WSB1: variants seen among roughly 807,000 people sequenced by gnomAD.
WSB1 encodes WD repeat and SOCS box containing 1, also known as WD repeat and SOCS box-containing protein 1.
WSB1 carries 23 observed loss-of-function variants against 50.2 expected under a neutral mutation model. The ratio of observed to expected loss-of-function variants is 0.46; its 90% CI spans 0.33 to 0.65. WSB1 has a LOEUF of 0.65. WSB1 is among the 30% of genes least tolerant of loss of function. The pLI is 0.02. For missense variants in WSB1, 492 were observed against 522.3 expected, an observed-to-expected ratio of 0.94 and a Z score of 0.56; for synonymous variants, 179 against 172.0, an observed-to-expected ratio of 1.04 and a Z score of -0.32.
rs199630765 is a variant in WSB1 at position 27,312,253 on chromosome 17, G to A, written c.1150G>A (p.Val384Ile). ...SVYFWATPRQ[V>I]PSLQHLCRMS... ...GTATTTTTGGGCCACTCCACGGCAG[G>A]TCCCTAGCCTGCAACATTTATGTCG... The change falls in exon 9 of 9, where the codon GTC (valine) becomes ATC (isoleucine). Residue 384 changes from valine to isoleucine, a missense_variant. Coordinates refer to ENST00000262394, the MANE Select transcript of WSB1 (RefSeq NM_015626.10). 1.2e-6 allele frequency: 2 copies of A among 1,613,958 alleles called. No individual in the cohort carries two copies. Among genetic ancestry groups the A allele is most frequent in the Non-Finnish European group, 1.7e-6 (2 of 1,180,028 alleles).
intron 1 of WSB1, among the ~76,000 whole-genome samples, chr17:27,296,036 G>A (rs1389498512): frequency 2.0e-5 from 3 of 152,032 alleles, no homozygotes; most frequent in Non-Finnish European, 4.4e-5. Flanking sequence ...GTTTCTCCAT[G>A]TTGGTCAGGC....
chr17:27,308,734 A>C, intron 5 of WSB1: 1 of 987,220 alleles, frequency 1.0e-6, no homozygotes, highest in Non-Finnish European at 1.2e-6. Flanking sequence ...GTTTCTGGAA[A>C]AAAAAGAGAA....
intron 7 of WSB1, 135 bp downstream of exon 7, chr17:27,310,309 A>AG: frequency 1.4e-6 from 1 of 711,322 alleles, no homozygotes; most frequent in Non-Finnish European, 2.3e-6. Flanking sequence ...TGTGTCTTAA[A>AG]GAATATCGGC....
chr17:27,307,415 A>T (rs536660215), intron 5 of WSB1: 37 of 374,370 alleles, frequency 9.9e-5, no homozygotes, highest in African/African-American at 7.3e-4. Flanking sequence ...TAAGAGGGTT[A>T]TGCTTATTGA....
At chr17:27,309,783 A>G (rs1301187348) in intron 6 of WSB1, among the ~76,000 whole-genome samples, 3 of 151,992 alleles carry the variant, frequency 2.0e-5, no homozygotes, top group East Asian at 1.9e-4. Flanking sequence ...GGGTTTCACC[A>G]TGTTGGTCAG....
chr17:27,309,949 TATTA>T (rs1416405807), intron 6 of WSB1, 108 bp from the exon 7 acceptor site: 1 of 764,432 alleles, frequency 1.3e-6, no homozygotes, highest in Non-Finnish European at 2.2e-6. Context: ...TTCTCAGTTA[TATTA>T]ATTAAGGCTA....
chr17:27,294,931 G>A (rs2016890481), intron 1 of WSB1, among the ~76,000 whole-genome samples: 1 of 152,158 alleles, frequency 6.6e-6, no homozygotes, highest in Admixed American at 6.5e-5. Context: ...AAAATGGTGT[G>A]GCCTTAAGAA....
At chr17:27,308,424 C>G in intron 5 of WSB1, 1 of 984,336 alleles carries the variant, frequency 1.0e-6, no homozygotes, top group Non-Finnish European at 1.2e-6. Context: ...GACTTATGAT[C>G]GTGGTTAGTT....
chr17:27,297,627 T>G (rs2017034337), intron 1 of WSB1, among the ~76,000 whole-genome samples: 1 of 152,066 alleles, frequency 6.6e-6, no homozygotes. Context: ...CGCTAATTTT[T>G]TAAATTTTTT....
intron 7 of WSB1, 110 bp from the exon 8 acceptor site, chr17:27,311,399 T>TG: frequency 1.5e-6 from 1 of 683,722 alleles, no homozygotes; most frequent in Non-Finnish European, 2.4e-6. Context: ...GTTGGTGTGA[T>TG]GTGTGTATTT....
chr17:27,294,537 T>A lies in WSB1; in HGVS notation c.40+102T>A, dbSNP rs2016864030. 5.3e-6 allele frequency: 8 copies of A among 1,511,418 alleles called. No individual in the cohort carries two copies. In the Admixed American group the frequency reaches 1.5e-4, roughly 28 times the overall value. 93.6% of individuals were successfully genotyped at this position (1,511,418 alleles called of 1,614,324 possible). A position where few individuals can be genotyped will look rare whatever the true frequency, so the allele number is the denominator to read the frequency against. On this transcript the variant is annotated intron_variant, in intron 1 of 8. Coordinates refer to ENST00000262394, the MANE Select transcript of WSB1 (RefSeq NM_015626.10). Reference sequence around the variant, plus strand: ...GCGACTCCAAGTCTGAGGGAAGAGCTCCAGTGCGCCAGGGCCAGCCCACTA... The same window carrying A: ...GCGACTCCAAGTCTGAGGGAAGAGCACCAGTGCGCCAGGGCCAGCCCACTA...
Position 27,307,717 on chromosome 17 carries a change from A to C in WSB1, c.711+835A>C. ...TGCTATTTTAGGCTGTGTGTTTTCC[A>C]TATGCTTCTTGCTTTCCCTGTCACA... is the stretch of plus-strand genomic sequence containing the variant. On this transcript the variant is annotated intron_variant, in intron 5 of 8. Coordinates refer to ENST00000262394, the MANE Select transcript of WSB1 (RefSeq NM_015626.10). The C allele has an allele frequency of 2.0e-6, 3 of 1,534,202 alleles. No individual in the cohort carries two copies. The South Asian group carries it at 3.6e-5, about 18-fold the overall frequency.
rs1163886093 is a variant in WSB1 at position 27,314,290 on chromosome 17, A to G, written c.*1921A>G. 1 of 152,180 alleles carries G rather than the reference A, an allele frequency of 6.6e-6. No individual in the cohort carries two copies. Among genetic ancestry groups the G allele is most frequent in the Non-Finnish European group, 1.5e-5 (1 of 68,032 alleles). The allele number at this position is 152,180 out of a possible 1,614,324, so 9.4% of individuals were successfully genotyped here. A position where few individuals can be genotyped will look rare whatever the true frequency, so the allele number is the denominator to read the frequency against. ...TATCGGCTTTATAATTTTAAAATAC[A>G]CTGGCCGGGCGCAGTGGCCCACACC... On this transcript the variant is annotated 3_prime_UTR_variant, in exon 9 of 9. Transcript: ENST00000262394.
chr17:27,302,234 A>G (rs761588342), intron 2 of WSB1, among the ~76,000 whole-genome samples: 7 of 152,014 alleles, frequency 4.6e-5, no homozygotes, highest in Admixed American at 1.3e-4. Flanking sequence ...AACATGGTGA[A>G]ACCCCATCTC....
At chr17:27,303,288 A>G in intron 2 of WSB1, 79 bp from the exon 3 acceptor site, 1 of 1,463,878 alleles carries the variant, frequency 6.8e-7, no homozygotes, top group Non-Finnish European at 9.2e-7. Context: ...TATTTTAACA[A>G]ACACTTGTAA....
rs1281506188 is a variant in WSB1 at position 27,312,557 on chromosome 17, C to G, written c.*188C>G. ...TATAGACAATAGAAGTATTTCTGAA[C>G]ATATCAAATATAAATTTTTTTAAAG... On this transcript the variant is annotated 3_prime_UTR_variant, in exon 9 of 9. Transcript: ENST00000262394. The G allele has an allele frequency of 2.8e-6, 2 of 711,794 alleles. No individual in the cohort carries two copies. Among genetic ancestry groups the G allele is most frequent in the African/African-American group, 3.7e-5 (2 of 54,198 alleles). 44.1% of individuals were successfully genotyped at this position (711,794 alleles called of 1,614,324 possible). A position where few individuals can be genotyped will look rare whatever the true frequency, so the allele number is the denominator to read the frequency against.
intron 1 of WSB1, among the ~76,000 whole-genome samples, chr17:27,296,238 TTTTC>T (rs749929429): frequency 2.0e-5 from 3 of 151,830 alleles, no homozygotes; most frequent in East Asian, 1.9e-4. Context: ...TTCTCTTTTC[TTTTC>T]TTTCTTTTTT....
At position 27,312,304 on chromosome 17, in the gene WSB1, A is replaced by C. The variant is rs1258131492; in HGVS notation, c.1201A>C (p.Thr401Pro). The C allele has an allele frequency of 6.2e-7, 1 of 1,614,024 alleles. No individual in the cohort carries two copies. Among genetic ancestry groups the C allele is most frequent in the African/African-American group, 1.3e-5 (1 of 74,918 alleles). The change falls in exon 9 of 9, where the codon ACC becomes CCC. Residue 401 changes from threonine (T) to proline (P), a missense_variant. Thr to Pro is a conservative substitution (Grantham distance 38). Transcript: ENST00000262394. ...CATGTCAATCCGAAGAGTGATGCCCACCCAAGAAGTTCAGGAGCTGCCGAT... is the reference window on the plus strand; with the variant it reads ...CATGTCAATCCGAAGAGTGATGCCCCCCCAAGAAGTTCAGGAGCTGCCGAT... ...CRMSIRRVMPTQEVQELPIPS... is the reference protein window; with the variant it reads ...CRMSIRRVMPPQEVQELPIPS...
chr17:27,304,514 C>T (rs1403523542), intron 3 of WSB1, among the ~76,000 whole-genome samples: 1 of 108,630 alleles, frequency 9.2e-6, no homozygotes. Flanking sequence ...GCCTGGGCAA[C>T]ATAGTGAGAC....
Sources: gnomAD v4.1 joint callset for allele counts (sites outside exome capture counted in the v4.1 genomes callset) on GRCh38, gnomAD v4.1.1 for gene constraint, MANE v1.5 for transcripts, NCBI Gene and HGNC (gene_info 2026-07-23, HGNC 2026-07-21) for gene names.